NCK2: variants seen among roughly 807,000 people sequenced by gnomAD.
NCK2 encodes the protein cytoplasmic protein NCK2.
Under a neutral mutation model 33.9 loss-of-function variants are expected in NCK2, and 16 were observed. The ratio of observed to expected loss-of-function variants is 0.47; its 90% CI spans 0.32 to 0.72. The LOEUF (loss-of-function observed/expected upper bound fraction) is 0.72, where lower values mean the gene tolerates loss of function less well. Among genes scored for constraint, NCK2 ranks in the 30% least tolerant of loss-of-function variants. The pLI is 0.03. For missense variants in NCK2, 418 were observed against 537.3 expected (o/e 0.78, Z 2.19); for synonymous variants, 273 against 239.9 (o/e 1.14, Z -1.27).
chr2:105,866,014 G>A (rs1168784082), intron 3 of NCK2, among the ~76,000 whole-genome samples: 4 of 151,956 alleles, frequency 2.6e-5, no homozygotes, highest in African/African-American at 9.7e-5. Flanking sequence ...TACCAGGTTC[G>A]AGCAATTTTC....
rs1356393396 is a variant in NCK2, at chr2:105,744,932, A to AGCGGGCG, written c.-398_-392dup. ...TCGTCAGGCCGGAGCCGCGCGGCCG[A>AGCGGGCG]GCGGGCGGCGGGCGGAGGGGAGGGC... On this transcript the variant is annotated 5_prime_UTR_variant, in exon 1 of 5. Transcript: ENST00000233154. 7.0e-6 allele frequency: 1 copy of AGCGGGCG among 143,192 alleles called. No individual in the cohort carries two copies. The highest frequency in any genetic ancestry group is 2.5e-5 in the African/African-American group (1 of 39,470). 8.9% of individuals were successfully genotyped at this position (143,192 alleles called of 1,614,324 possible).
rs539243316 is a variant in NCK2 at position 105,827,586 on chromosome 2, A to G, written c.-17+10973A>G. On this transcript the variant is annotated intron_variant, in intron 2 of 4. Coordinates refer to ENST00000233154, the MANE Select transcript of NCK2 (RefSeq NM_003581.5). ...TTTAGGCACCCACAGAGCATTTGCC[A>G]TGTTAGGGCATGTCCTGGGCCAAAA... Among the ~76,000 whole-genome samples the G allele has an allele frequency of 9.2e-5, 14 of 152,332 alleles. No individual in the cohort carries two copies. In the South Asian group the frequency reaches 2.1e-3, roughly 23 times the overall value.
chr2:105,757,164 C>T (rs1211416488), intron 1 of NCK2, among the ~76,000 whole-genome samples: 1 of 152,096 alleles, frequency 6.6e-6, no homozygotes, highest in African/African-American at 2.4e-5. Context: ...TTGATTCTTA[C>T]GAGGAATAGA....
intron 1 of NCK2, among the ~76,000 whole-genome samples, chr2:105,765,954 T>A (rs1441935748): frequency 6.6e-6 from 1 of 151,546 alleles, no homozygotes; most frequent in East Asian, 1.9e-4. Context: ...AGCTGCTGAA[T>A]TTGCAGTGAC....
chr2:105,881,899 C>T lies in NCK2; in HGVS notation c.798C>T (p.Ala266=). ...SDGPALHPAH[A]PQISYTGPSS... is the part of the protein sequence containing the mutation. Reference sequence around the variant, plus strand: ...GGCCTGCCCTGCACCCTGCGCACGCCCCACAGATAAGCTACACCGGGCCCT... The same window carrying T: ...GGCCTGCCCTGCACCCTGCGCACGCTCCACAGATAAGCTACACCGGGCCCT... Residue 266 remains alanine (A), a synonymous_variant, in exon 4 of 5, where the codon GCC becomes GCT. Transcript: ENST00000233154. The T allele has an allele frequency of 8.9e-6, 14 of 1,569,686 alleles. No homozygotes were observed. Among genetic ancestry groups the T allele is most frequent in the Non-Finnish European group, 1.2e-5 (14 of 1,158,228 alleles).
At chr2:105,835,415 A>ATATGTATATATATATATATATACG (rs1179403264) in intron 2 of NCK2, among the ~76,000 whole-genome samples, 1 of 119,854 alleles carries the variant, frequency 8.3e-6, no homozygotes, top group Non-Finnish European at 1.7e-5. Flanking sequence ...ACGTGTATAT[A>ATATGTATATATATATATATATACG]TATATATATT....
intron 3 of NCK2, among the ~76,000 whole-genome samples, chr2:105,856,008 G>C (rs954195759): frequency 3.3e-5 from 5 of 152,090 alleles, no homozygotes; most frequent in Non-Finnish European, 7.4e-5. Context: ...CTAATTTTTT[G>C]TATTTTTAGT....
At chr2:105,838,173 C>G (rs1394607960) in intron 2 of NCK2, among the ~76,000 whole-genome samples, 2 of 151,820 alleles carry the variant, frequency 1.3e-5, no homozygotes, top group Non-Finnish European at 2.9e-5. Flanking sequence ...ACAAGAAAAT[C>G]TTGTGTTCTC....
intron 2 of NCK2, among the ~76,000 whole-genome samples, chr2:105,844,578 A>AC (rs1045233095): frequency 2.0e-4 from 26 of 130,068 alleles, no homozygotes; most frequent in South Asian, 5.0e-4. Flanking sequence ...AAAAAACAAA[A>AC]AAAAAAAAAA....
At chr2:105,840,102 G>A (rs1676583793) in intron 2 of NCK2, among the ~76,000 whole-genome samples, 1 of 152,186 alleles carries the variant, frequency 6.6e-6, no homozygotes, top group Non-Finnish European at 1.5e-5. Flanking sequence ...TTCTGGTAGA[G>A]TATCCCCTCT....
chr2:105,793,178 G>A (rs1009882145), intron 1 of NCK2, among the ~76,000 whole-genome samples: 10 of 152,302 alleles, frequency 6.6e-5, no homozygotes, highest in African/African-American at 2.4e-4. Flanking sequence ...CTTTAATGAA[G>A]GGATTGGGCA....
At chr2:105,870,318 G>A (rs571033649) in intron 3 of NCK2, among the ~76,000 whole-genome samples, 35 of 152,338 alleles carry the variant, frequency 2.3e-4, no homozygotes, top group Admixed American at 1.2e-3. Flanking sequence ...TGGCTGCTTG[G>A]GGTTTCCCTC....
chr2:105,846,493 TAGG>T (rs1181643847), intron 2 of NCK2: 3 of 150,870 alleles, frequency 2.0e-5, no homozygotes, highest in Non-Finnish European at 3.0e-5. Context: ...AAAAAAATAA[TAGG>T]AGGGTGTAGC....
At chr2:105,835,388 C>CACGTATATATATATACGTATATATAT (rs1553458575) in intron 2 of NCK2, among the ~76,000 whole-genome samples, 2 of 52,114 alleles carry the variant, frequency 3.8e-5, no homozygotes, top group African/African-American at 7.3e-5. Context: ...TATATATACA[C>CACGTATATATATATACGTATATATAT]ATATATATAT....
intron 2 of NCK2, among the ~76,000 whole-genome samples, chr2:105,835,594 T>G (rs1676400601): frequency 1.3e-5 from 2 of 151,232 alleles, no homozygotes; most frequent in Admixed American, 1.3e-4. Context: ...ACAGTTGAAC[T>G]GCAATGTGCC....
chr2:105,780,843 C>T (rs1690470683), intron 1 of NCK2, among the ~76,000 whole-genome samples: 2 of 152,220 alleles, frequency 1.3e-5, no homozygotes, highest in Non-Finnish European at 2.9e-5. Flanking sequence ...CCTTACCAGA[C>T]ACTGAATTTC....
intron 1 of NCK2, among the ~76,000 whole-genome samples, chr2:105,763,780 C>A (rs532641904): frequency 6.6e-6 from 1 of 151,924 alleles, no homozygotes; most frequent in South Asian, 2.1e-4. Context: ...AGTTTTTGAC[C>A]CTGTGTTTAA....
chr2:105,812,525 G>A (rs1193895674), intron 1 of NCK2, among the ~76,000 whole-genome samples: 7 of 152,208 alleles, frequency 4.6e-5, no homozygotes, highest in African/African-American at 7.2e-5. Flanking sequence ...TGCCGCCTCC[G>A]TACTCTGAAC....
At chr2:105,831,352 G>C (rs376393379) in intron 2 of NCK2, among the ~76,000 whole-genome samples, 24 of 151,512 alleles carry the variant, frequency 1.6e-4, no homozygotes, top group African/African-American at 5.8e-4. Context: ...AACAAAGCTG[G>C]AGGCACATGG....
Sources: gnomAD v4.1 joint callset for allele counts (sites outside exome capture counted in the v4.1 genomes callset) on GRCh38, gnomAD v4.1.1 for gene constraint, MANE v1.5 for transcripts, NCBI Gene and HGNC (gene_info 2026-07-23, HGNC 2026-07-21) for gene names.